CCDC178: variants seen among roughly 807,000 people sequenced by gnomAD.
CCDC178 encodes the protein coiled-coil domain containing 178, also known as coiled-coil domain-containing protein 178.
Under a neutral mutation model 117.4 loss-of-function variants are expected in CCDC178, and 126 were observed. That is an observed-to-expected ratio of 1.07 (90% CI 0.93 to 1.24). The LOEUF is 1.24. Among genes scored for constraint, CCDC178 ranks in the 50% most tolerant of loss-of-function variants. The pLI, the probability that CCDC178 is intolerant of heterozygous loss-of-function variation, is 0.00. For synonymous variants in CCDC178, 283 were observed against 313.4 expected, an observed-to-expected ratio of 0.90 and a Z score of 1.02; for missense variants, 1,030 against 986.9, an observed-to-expected ratio of 1.04 and a Z score of -0.59.
At chr18:33,220,181 G>A (rs1416144947) in intron 18 of CCDC178, among the ~76,000 whole-genome samples, 1 of 152,056 alleles carries the variant, frequency 6.6e-6, no homozygotes, top group African/African-American at 2.4e-5. Context: ...CTCTCTGGTA[G>A]AGAACAAATC....
intron 20 of CCDC178, among the ~76,000 whole-genome samples, chr18:33,199,703 G>T (rs1050146967): frequency 6.6e-6 from 1 of 152,062 alleles, no homozygotes; most frequent in Admixed American, 6.6e-5. Context: ...CCAGGGCTGT[G>T]TCTTGATATT....
At chr18:33,321,511 A>G (rs4799343) in intron 11 of CCDC178, among the ~76,000 whole-genome samples, 40,941 of 152,032 alleles carry the variant, frequency 0.27, 5,832 homozygotes, top group East Asian at 0.49. Flanking sequence ...TGAAATATTC[A>G]GCAACAGTGA....
intron 20 of CCDC178, among the ~76,000 whole-genome samples, chr18:33,095,131 G>A (rs2145082459): frequency 6.6e-6 from 1 of 151,938 alleles, no homozygotes; most frequent in Admixed American, 6.6e-5. Context: ...CTGGAATGTA[G>A]AATTCTTCTT....
intron 11 of CCDC178, among the ~76,000 whole-genome samples, chr18:33,311,135 C>G (rs2062336193): frequency 6.6e-6 from 1 of 152,136 alleles, no homozygotes; most frequent in Admixed American, 6.5e-5. Context: ...TGTTCAGTCC[C>G]TTTGGTACAT....
chr18:33,090,047 TA>T (rs1233916693), intron 21 of CCDC178, among the ~76,000 whole-genome samples: 1 of 152,146 alleles, frequency 6.6e-6, no homozygotes, highest in African/African-American at 2.4e-5. Context: ...CTACAAATTT[TA>T]AAAGTACAGG....
intron 2 of CCDC178, among the ~76,000 whole-genome samples, chr18:33,432,478 T>TACAC (rs56111462): frequency 0.018 from 2,647 of 143,376 alleles, 45 homozygotes; most frequent in African/African-American, 0.04. Flanking sequence ...GCCTTCTCCA[T>TACAC]ACACACACAC....
At chr18:33,159,232 A>T (rs1324308682) in intron 20 of CCDC178, among the ~76,000 whole-genome samples, 1 of 152,086 alleles carries the variant, frequency 6.6e-6, no homozygotes, top group Admixed American at 6.6e-5. Flanking sequence ...GCATTTGTGG[A>T]AGATCATGTC....
intron 19 of CCDC178, among the ~76,000 whole-genome samples, chr18:33,212,596 C>CT (rs1242983176): frequency 8.6e-5 from 13 of 151,766 alleles, no homozygotes; most frequent in African/African-American, 2.9e-4. Context: ...AAGATGATGC[C>CT]TTTTTTATTG....
intron 21 of CCDC178, among the ~76,000 whole-genome samples, chr18:33,044,641 G>C (rs1266556836): frequency 2.0e-5 from 3 of 152,028 alleles, no homozygotes; most frequent in African/African-American, 7.2e-5. Context: ...ACTAAAAATA[G>C]AGCTACCATT....
chr18:33,009,081 A>T (rs935156747), intron 21 of CCDC178, among the ~76,000 whole-genome samples: 1 of 151,972 alleles, frequency 6.6e-6, no homozygotes, highest in Non-Finnish European at 1.5e-5. Flanking sequence ...TACTCCCTTC[A>T]TCTGGTCATC....
At chr18:33,281,001 T>TA (rs201350898) in intron 12 of CCDC178, among the ~76,000 whole-genome samples, 3,474 of 152,144 alleles carry the variant, frequency 0.023, 56 homozygotes, top group Non-Finnish European at 0.033. Flanking sequence ...TACCTAATGC[T>TA]AAATGACCAG....
chr18:33,274,532 AAATGT>A (rs556819700), intron 12 of CCDC178, among the ~76,000 whole-genome samples: 1 of 151,972 alleles, frequency 6.6e-6, no homozygotes, highest in Non-Finnish European at 1.5e-5. Flanking sequence ...TGGATAAACA[AAATGT>A]AATGTACTTA....
chr18:33,045,578 A>C (rs1435817409), intron 21 of CCDC178, among the ~76,000 whole-genome samples: 3 of 152,242 alleles, frequency 2.0e-5, no homozygotes, highest in Admixed American at 6.5e-5. Flanking sequence ...ATCTGTTCCA[A>C]AGCTTAATAT....
At chr18:33,189,661 CAGA>C (rs2058835872) in intron 20 of CCDC178, among the ~76,000 whole-genome samples, 1 of 152,100 alleles carries the variant, frequency 6.6e-6, no homozygotes. Flanking sequence ...ACATGAGAAT[CAGA>C]AGAAGTATTT....
At chr18:32,986,505 G>A (rs534343382) in intron 21 of CCDC178, among the ~76,000 whole-genome samples, 8 of 152,090 alleles carry the variant, frequency 5.3e-5, no homozygotes, top group African/African-American at 1.9e-4. Flanking sequence ...AATGAGATTC[G>A]CAGGAACAAA....
intron 12 of CCDC178, among the ~76,000 whole-genome samples, chr18:33,273,793 G>A (rs2059914622): frequency 6.6e-6 from 1 of 151,612 alleles, no homozygotes; most frequent in African/African-American, 2.4e-5. Flanking sequence ...ATAAGTCTTT[G>A]AGACTTTGGA....
chr18:33,112,250 C>T (rs1598894840), intron 20 of CCDC178, among the ~76,000 whole-genome samples: 1 of 151,940 alleles, frequency 6.6e-6, no homozygotes, highest in African/African-American at 2.4e-5. Flanking sequence ...CATAATAGTA[C>T]AACCACAGCC....
chr18:33,138,506 G>A (rs2058157061), intron 20 of CCDC178, among the ~76,000 whole-genome samples: 1 of 152,012 alleles, frequency 6.6e-6, no homozygotes, highest in Admixed American at 6.6e-5. Flanking sequence ...AGCTGCCTAG[G>A]GAACTAATGA....
intron 12 of CCDC178, among the ~76,000 whole-genome samples, chr18:33,280,206 G>A (rs958320704): frequency 2.6e-5 from 4 of 152,050 alleles, no homozygotes; most frequent in Non-Finnish European, 4.4e-5. Flanking sequence ...CTATTCATCT[G>A]ACAAAGGGCT....
Sources: gnomAD v4.1 joint callset for allele counts (sites outside exome capture counted in the v4.1 genomes callset) on GRCh38, gnomAD v4.1.1 for gene constraint, MANE v1.5 for transcripts, NCBI Gene and HGNC (gene_info 2026-07-23, HGNC 2026-07-21) for gene names.